Variants in LHFPL3 observed in about 807,000 individuals in gnomAD.
LHFPL3 encodes the protein LHFPL tetraspan subfamily member 3, also known as LHFPL tetraspan subfamily member 3 protein.
A neutral mutation model predicts 19.3 loss-of-function variants in LHFPL3; 5 were observed. The ratio of observed to expected loss-of-function variants is 0.26; its 90% CI spans 0.14 to 0.54. The LOEUF (loss-of-function observed/expected upper bound fraction) is 0.54. Ranked by LOEUF, LHFPL3 falls within the 20% of genes least tolerant of loss-of-function variation. The pLI is 0.94. For synonymous variants in LHFPL3, 133 were observed against 126.2 expected (o/e 1.05, Z -0.36); for missense variants, 249 against 307.4 (o/e 0.81, Z 1.42).
At chr7:104,568,745 G>A (rs745479703) in intron 1 of LHFPL3, among the ~76,000 whole-genome samples, 3 of 152,112 alleles carry the variant, frequency 2.0e-5, no homozygotes, top group Non-Finnish European at 2.9e-5. Context: ...ATGACATGGC[G>A]CAGAGTGTAT....
intron 1 of LHFPL3, among the ~76,000 whole-genome samples, chr7:104,689,177 G>A (rs182257156): frequency 3.8e-4 from 58 of 152,252 alleles, no homozygotes; most frequent in Non-Finnish European, 6.0e-4. Flanking sequence ...GTTTAGAGTG[G>A]GAACTGCACT....
rs143172701 is a variant in LHFPL3 at position 104,704,589 on chromosome 7, C to T, written c.446-32086C>T. Among the ~76,000 whole-genome samples the T allele has an allele frequency of 7.8e-3, 1,181 of 151,602 alleles. 5 individuals are homozygous for T. Among genetic ancestry groups the T allele is most frequent in the Non-Finnish European group, 0.013 (852 of 67,916 alleles). On this transcript the variant is annotated intron_variant, in intron 1 of 2. Coordinates refer to ENST00000424859, the MANE Select transcript of LHFPL3 (RefSeq NM_199000.3). The stretch of plus-strand genomic sequence containing the variant: ...AGTGATTCCTGCATATCCAAAAGTA[C>T]CTTTCTTGCCCTAGCAGGCAGGTGA...
At chr7:104,668,662 C>T in intron 1 of LHFPL3, 14 of 1,609,674 alleles carry the variant, frequency 8.7e-6, no homozygotes, top group Admixed American at 1.7e-5. Context: ...GATGATCGGT[C>T]GTGGAGCTCC....
intron 1 of LHFPL3, among the ~76,000 whole-genome samples, chr7:104,617,251 T>C (rs966432978): frequency 2.6e-5 from 4 of 152,088 alleles, no homozygotes; most frequent in African/African-American, 9.7e-5. Flanking sequence ...CCCAGTGAAA[T>C]AGACCTTATT....
chr7:104,736,586 G>T, intron 1 of LHFPL3, 89 bp from the exon 2 acceptor site: 1 of 799,608 alleles, frequency 1.3e-6, no homozygotes, highest in Non-Finnish European at 2.0e-6. Context: ...TTGAAACAAT[G>T]ATTCGACAGA....
At chr7:104,378,347 G>A (rs187609105) in intron 1 of LHFPL3, among the ~76,000 whole-genome samples, 48 of 152,268 alleles carry the variant, frequency 3.2e-4, no homozygotes, top group African/African-American at 1.1e-3. Flanking sequence ...GGCAGAGCAC[G>A]CTTTTCAGAT....
intron 1 of LHFPL3, among the ~76,000 whole-genome samples, chr7:104,733,256 T>C (rs1037131771): frequency 1.5e-4 from 23 of 152,222 alleles, no homozygotes; most frequent in African/African-American, 5.3e-4. Flanking sequence ...GGTACAGAGC[T>C]GAATTCAATT....
intron 1 of LHFPL3, among the ~76,000 whole-genome samples, chr7:104,625,379 T>G (rs1791523570): frequency 6.6e-6 from 1 of 152,198 alleles, no homozygotes; most frequent in South Asian, 2.1e-4. Context: ...GCATTTTTGA[T>G]CTAGGAGCAA....
At chr7:104,471,872 A>G (rs972111487) in intron 1 of LHFPL3, among the ~76,000 whole-genome samples, 13 of 152,200 alleles carry the variant, frequency 8.5e-5, no homozygotes, top group Non-Finnish European at 1.8e-4. Flanking sequence ...TTGCTCAAAT[A>G]TTTTAACTTA....
At chr7:104,519,137 A>G (rs185215002) in intron 1 of LHFPL3, among the ~76,000 whole-genome samples, 245 of 152,246 alleles carry the variant, frequency 1.6e-3, no homozygotes, top group African/African-American at 5.6e-3. Flanking sequence ...GTGACTGTCA[A>G]TCACTTACTC....
At chr7:104,741,863 A>T (rs139014160) in intron 2 of LHFPL3, among the ~76,000 whole-genome samples, 4 of 152,260 alleles carry the variant, frequency 2.6e-5, no homozygotes, top group African/African-American at 9.6e-5. Context: ...TTTATATAGG[A>T]GCTGGCACAT....
intron 1 of LHFPL3, among the ~76,000 whole-genome samples, chr7:104,666,336 A>T (rs190851878): frequency 4.0e-5 from 6 of 151,600 alleles, no homozygotes; most frequent in South Asian, 2.1e-4. Flanking sequence ...TCACACATAC[A>T]CTTTTCCCAG....
At chr7:104,777,568 G>C (rs573356037) in intron 2 of LHFPL3, among the ~76,000 whole-genome samples, 1 of 152,238 alleles carries the variant, frequency 6.6e-6, no homozygotes, top group South Asian at 2.1e-4. Flanking sequence ...ATTTCCCTTT[G>C]CAGTTAGAAT....
At chr7:104,750,197 C>A (rs1390642549) in intron 2 of LHFPL3, among the ~76,000 whole-genome samples, 2 of 152,228 alleles carry the variant, frequency 1.3e-5, no homozygotes, top group Non-Finnish European at 2.9e-5. Context: ...AGTCCTGTAA[C>A]AGCCTTTTGT....
intron 1 of LHFPL3, among the ~76,000 whole-genome samples, chr7:104,611,191 ATAAGT>A (rs745462054): frequency 6.6e-5 from 10 of 152,222 alleles, no homozygotes; most frequent in Non-Finnish European, 1.5e-4. Flanking sequence ...TTAAATGATG[ATAAGT>A]TAGGTGGGCA....
At chr7:104,564,920 A>G (rs1233908107) in intron 1 of LHFPL3, among the ~76,000 whole-genome samples, 1 of 152,182 alleles carries the variant, frequency 6.6e-6, no homozygotes, top group East Asian at 1.9e-4. Flanking sequence ...GTTGTTGGCC[A>G]TGTGAATGTG....
At chr7:104,587,101 T>C (rs868691565) in intron 1 of LHFPL3, among the ~76,000 whole-genome samples, 4 of 152,194 alleles carry the variant, frequency 2.6e-5, no homozygotes, top group African/African-American at 7.2e-5. Context: ...CCTGTTTTTT[T>C]ATATTTTTAT....
At chr7:104,783,146 A>T (rs1789845457) in intron 2 of LHFPL3, among the ~76,000 whole-genome samples, 1 of 152,270 alleles carries the variant, frequency 6.6e-6, no homozygotes. Flanking sequence ...ACCAGAAATC[A>T]ATATTTTAAC....
chr7:104,608,846 T>C (rs1310284021), intron 1 of LHFPL3, among the ~76,000 whole-genome samples: 4 of 152,180 alleles, frequency 2.6e-5, no homozygotes, highest in African/African-American at 9.7e-5. Context: ...AGAACCCCTC[T>C]GTGCCTCAGT....
Sources: allele counts gnomAD v4.1 joint callset (sites outside exome capture counted in the v4.1 genomes callset), GRCh38; gene constraint gnomAD v4.1.1; transcripts MANE v1.5; gene names NCBI Gene and HGNC (gene_info 2026-07-23, HGNC 2026-07-21).